The following DLAT variants were observed in gnomAD, a reference collection of about 807,000 sequenced individuals.
DLAT encodes the protein dihydrolipoyllysine-residue acetyltransferase component of pyruvate dehydrogenase complex, mitochondrial.
A neutral mutation model predicts 68.0 loss-of-function variants in DLAT; 43 were observed. The observed-to-expected ratio is 0.63, with a 90% confidence interval of 0.50 to 0.81. The LOEUF is 0.81. Ranked by LOEUF, DLAT falls within the 40% of genes least tolerant of loss-of-function variation. The pLI is 0.00. For synonymous variants in DLAT, 265 were observed against 288.6 expected, an observed-to-expected ratio of 0.92 and a Z score of 0.83; for missense variants, 745 against 815.4, an observed-to-expected ratio of 0.91 and a Z score of 1.05.
chr11:112,037,191 C>A, intron 5 of DLAT, 82 bp from the exon 6 acceptor site: 7 of 1,367,988 alleles, frequency 5.1e-6, no homozygotes, highest in South Asian at 3.6e-5. Context: ...TGAGAAAAAT[C>A]ACTTTACTTA....
chr11:112,036,167 ATGTG>A (rs1311809853), intron 5 of DLAT, among the ~76,000 whole-genome samples: 309 of 82,516 alleles, frequency 3.7e-3, no homozygotes, highest in Middle Eastern at 0.012. Flanking sequence ...GTGTGTATAT[ATGTG>A]TGTGTGTGTG....
At chr11:112,056,842 G>C (rs587701079) in intron 11 of DLAT, among the ~76,000 whole-genome samples, 1 of 152,168 alleles carries the variant, frequency 6.6e-6, no homozygotes, top group African/African-American at 2.4e-5. Flanking sequence ...ATTTGTTACC[G>C]TGTGGGTGTG....
At position 112,034,717 on chromosome 11, in the gene DLAT, C is replaced by G. The variant is rs587630080; in HGVS notation, c.787+1187C>G. Reference sequence around the variant, plus strand: ...TTGGCCTCCCAAAGCGCTGGGATTACAGGCGTGAGCCATGGCGATTTGTAG... The same window carrying G: ...TTGGCCTCCCAAAGCGCTGGGATTAGAGGCGTGAGCCATGGCGATTTGTAG... On this transcript the variant is annotated intron_variant, in intron 5 of 13. Coordinates refer to ENST00000280346, the MANE Select transcript of DLAT (RefSeq NM_001931.5). Among the ~76,000 whole-genome samples, 4 of 152,076 alleles carry G rather than the reference C, an allele frequency of 2.6e-5. No individual in the cohort carries two copies. The South Asian group carries it at 8.3e-4, about 32-fold the overall frequency.
In DLAT at chr11:112,062,477, C is replaced by T; in HGVS notation, c.1886C>T (p.Ala629Val). ...CGGGTGGTGGATGGAGCAGTTGGAGCCCAGTGGCTTGCTGAGTTTAGAAAG... is the reference window on the plus strand; with the variant it reads ...CGGGTGGTGGATGGAGCAGTTGGAGTCCAGTGGCTTGCTGAGTTTAGAAAG... ...DHRVVDGAVG[A>V]QWLAEFRKYL... Residue 629 changes from alanine (A) to valine (V), a missense_variant, in exon 14 of 14, where the codon GCC (alanine) becomes GTC (valine). By Grantham distance (64) the Ala-to-Val change is moderately conservative. Coordinates refer to ENST00000280346, the MANE Select transcript of DLAT (RefSeq NM_001931.5). 6.2e-7 allele frequency: 1 copy of T among 1,612,680 alleles called. No individual in the cohort carries two copies. Among genetic ancestry groups the T allele is most frequent in the Non-Finnish European group, 8.5e-7 (1 of 1,179,984 alleles).
chr11:112,029,016 CT>C, intron 4 of DLAT, 71 bp downstream of exon 4: 1 of 1,544,730 alleles, frequency 6.5e-7, no homozygotes, highest in African/African-American at 1.4e-5. Flanking sequence ...TAGATGGCTA[CT>C]ACATCTTGGA....
At position 112,027,085 on chromosome 11, in the gene DLAT, C is replaced by T. The variant is rs1216045076; in HGVS notation, c.381+786C>T. Among the ~76,000 whole-genome samples the T allele has an allele frequency of 6.7e-5, 10 of 149,828 alleles. No homozygotes were observed. The South Asian group carries it at 8.5e-4, about 13-fold the overall frequency. ...GGACGGGGTGGCTGCCGGGCGGAGA[C>T]GCTCCTCACTTCCCAGACGGGGTGG... is the stretch of plus-strand genomic sequence containing the variant. On this transcript the variant is annotated intron_variant, in intron 2 of 13. Coordinates refer to ENST00000280346, the MANE Select transcript of DLAT (RefSeq NM_001931.5).
intron 11 of DLAT, among the ~76,000 whole-genome samples, chr11:112,056,578 C>T (rs1592719453): frequency 6.6e-6 from 1 of 152,254 alleles, no homozygotes; most frequent in East Asian, 1.9e-4. Context: ...CTTTATCATT[C>T]ACCAGTTAAC....
intron 11 of DLAT, among the ~76,000 whole-genome samples, chr11:112,052,245 C>T (rs587726705): frequency 1.4e-4 from 22 of 152,214 alleles, no homozygotes; most frequent in African/African-American, 4.3e-4. Flanking sequence ...TCCCCACACA[C>T]CAACCAAACA....
intron 5 of DLAT, chr11:112,037,009 A>C: frequency 2.2e-6 from 1 of 462,476 alleles, no homozygotes; most frequent in South Asian, 2.7e-5. Flanking sequence ...TTTACTTTGT[A>C]CCAGGTTGTA....
intron 12 of DLAT, among the ~76,000 whole-genome samples, chr11:112,060,478 G>C (rs954588771): frequency 6.6e-6 from 1 of 151,744 alleles, no homozygotes; most frequent in Admixed American, 6.6e-5. Context: ...TTTTGAAACA[G>C]AGTCTCACTC....
At chr11:112,058,773 T>C (rs1864313468) in intron 11 of DLAT, among the ~76,000 whole-genome samples, 1 of 152,136 alleles carries the variant, frequency 6.6e-6, no homozygotes, top group Admixed American at 6.5e-5. Context: ...TAGTTGTATA[T>C]ATCTCAAAAT....
At chr11:112,049,345 A>C (rs1863493501) in intron 10 of DLAT, among the ~76,000 whole-genome samples, 1 of 152,182 alleles carries the variant, frequency 6.6e-6, no homozygotes, top group Non-Finnish European at 1.5e-5. Flanking sequence ...CGAAGAATAT[A>C]GTCTTTTCAT....
Position 112,033,444 on chromosome 11 carries a change from C to T in DLAT, c.701C>T (p.Thr234Ile), listed in dbSNP as rs969402743. The change falls in exon 5 of 14, where the codon ACA becomes ATA. Residue 234 changes from threonine (T) to isoleucine (I), a missense_variant. Thr to Ile is a moderately conservative substitution (Grantham distance 89). Transcript: ENST00000280346. ...CTCTCTCCCACCATGACCATGGGCA[C>T]AGTTCAGAGATGGGAAAAAAAAGTG... ...PALSPTMTMGTVQRWEKKVGE... is the reference protein window; with the variant it reads ...PALSPTMTMGIVQRWEKKVGE... 1.9e-6 allele frequency: 3 copies of T among 1,613,784 alleles called. No individual in the cohort carries two copies. In the South Asian group the frequency reaches 3.3e-5, roughly 18 times the overall value.
chr11:112,039,250 G>T lies in DLAT; in HGVS notation c.982G>T (p.Ala328Ser). The change falls in exon 7 of 14, where the codon GCT (alanine) becomes TCT (serine). Residue 328 changes from alanine to serine, a missense_variant. Transcript: ENST00000280346. ...TGTAATTTTTTTTCAAAAGGTGGCC[G>T]CTGTTCCTCCAACTCCCCAGCCTTT... The part of the protein sequence containing the change: ...VPPPTPPPVA[A>S]VPPTPQPLAP... 1 of 1,613,810 alleles carries T rather than the reference G, an allele frequency of 6.2e-7. No individual in the cohort carries two copies.
chr11:112,028,842 C>T lies in DLAT; in HGVS notation c.557C>T (p.Ala186Val). 1.2e-6 allele frequency: 2 copies of T among 1,614,176 alleles called. No homozygotes were observed. The highest frequency in any genetic ancestry group is 2.2e-5 in the South Asian group (2 of 91,088). Residue 186 changes from alanine to valine, a missense_variant, in exon 4 of 14, where the codon GCA (alanine) becomes GTA (valine). By Grantham distance (64) the Ala-to-Val change is moderately conservative. Coordinates refer to ENST00000280346, the MANE Select transcript of DLAT (RefSeq NM_001931.5). ...AATTATACACTGGATTCCTCAGCAG[C>T]ACCTACCCCACAAGCGGCCCCAGCA... is the stretch of plus-strand genomic sequence containing the variant. ...FKNYTLDSSA[A>V]PTPQAAPAPT...
intron 11 of DLAT, among the ~76,000 whole-genome samples, chr11:112,052,563 C>T (rs1407607506): frequency 1.3e-5 from 2 of 152,080 alleles, no homozygotes; most frequent in Non-Finnish European, 2.9e-5. Context: ...ATGGCTAGGG[C>T]GAGGTTTGAG....
chr11:112,030,142 C>A, intron 4 of DLAT: 1 of 700,730 alleles, frequency 1.4e-6, no homozygotes, highest in Admixed American at 1.8e-5. Context: ...AAATCTCCAC[C>A]CTAAATCATG....
At chr11:112,032,726 G>A (rs1467290084) in intron 4 of DLAT, 8 of 152,474 alleles carry the variant, frequency 5.2e-5, no homozygotes, top group Non-Finnish European at 8.8e-5. Context: ...TTAACAGAAT[G>A]GTTTGGACCA....
At chr11:112,058,841 CTTA>C (rs1864318654) in intron 11 of DLAT, among the ~76,000 whole-genome samples, 1 of 152,072 alleles carries the variant, frequency 6.6e-6, no homozygotes, top group South Asian at 2.1e-4. Context: ...GCAACAAGAT[CTTA>C]TTATTGAGTG....
Sources: gnomAD v4.1 joint callset for allele counts (sites outside exome capture counted in the v4.1 genomes callset) on GRCh38, gnomAD v4.1.1 for gene constraint, MANE v1.5 for transcripts, NCBI Gene and HGNC (gene_info 2026-07-23, HGNC 2026-07-21) for gene names.